The following NACC2 variants were observed in gnomAD, a reference collection of about 807,000 sequenced individuals.
NACC2 encodes NACC family member 2.
A neutral mutation model predicts 25.1 loss-of-function variants in NACC2; 8 were observed. That is an observed-to-expected ratio of 0.32 (90% CI 0.19 to 0.57). The LOEUF (loss-of-function observed/expected upper bound fraction) is 0.57. Ranked by LOEUF, NACC2 falls within the 20% of genes least tolerant of loss-of-function variation. NACC2 has a pLI of 0.89. For synonymous variants in NACC2, 435 were observed against 294.7 expected, an observed-to-expected ratio of 1.48 and a Z score of -4.88; for missense variants, 644 against 650.2, an observed-to-expected ratio of 0.99 and a Z score of 0.10.
chr9:136,093,887 C>A (rs1830458363), intron 1 of NACC2, among the ~76,000 whole-genome samples: 1 of 152,170 alleles, frequency 6.6e-6, no homozygotes, highest in Non-Finnish European at 1.5e-5. Context: ...GTGCTACAGG[C>A]TAAAACACCC....
chr9:136,049,931 G>T lies in NACC2; in HGVS notation c.591C>A (p.Pro197=), dbSNP rs1432823353. 5 of 578,064 alleles carry T rather than the reference G, an allele frequency of 8.6e-6. No homozygotes were observed. In the African/African-American group the frequency reaches 9.9e-5, roughly 11 times the overall value. 35.8% of individuals were successfully genotyped at this position (578,064 alleles called of 1,614,324 possible). ...LAPKRPLETG[P]RDGVAVAAGA... ...CCGCGGCCACCGCCACGCCGTCCCG[G>T]GGCCCCGTCTCCAGCGGGCGCTTGG... The change falls in exon 2 of 6, where the codon CCC becomes CCA. Residue 197 remains proline, a synonymous_variant. Transcript: ENST00000277554.
intron 1 of NACC2, among the ~76,000 whole-genome samples, chr9:136,090,554 C>T (rs972174427): frequency 6.6e-6 from 1 of 152,204 alleles, no homozygotes; most frequent in African/African-American, 2.4e-5. Flanking sequence ...CTTCCCTCAG[C>T]AGGCACCCAG....
chr9:136,026,059 G>GC (rs1269166350), intron 2 of NACC2, among the ~76,000 whole-genome samples: 1 of 151,984 alleles, frequency 6.6e-6, no homozygotes, highest in African/African-American at 2.4e-5. Flanking sequence ...GAAAGAATAG[G>GC]CCAGGCGTGG....
intron 2 of NACC2, among the ~76,000 whole-genome samples, chr9:136,047,273 TC>T (rs1176273728): frequency 2.6e-5 from 4 of 151,794 alleles, no homozygotes; most frequent in Non-Finnish European, 4.4e-5. Context: ...CGACGGCCCC[TC>T]CCTCTACCTG....
intron 2 of NACC2, among the ~76,000 whole-genome samples, chr9:136,027,521 C>G (rs966445378): frequency 6.6e-6 from 1 of 152,100 alleles, no homozygotes; most frequent in Non-Finnish European, 1.5e-5. Context: ...TGAGTGCATT[C>G]TATGTCCACT....
intron 1 of NACC2, among the ~76,000 whole-genome samples, 162 bp downstream of exon 1, chr9:136,095,027 C>T (rs1830475176): frequency 1.4e-5 from 2 of 145,640 alleles, no homozygotes; most frequent in African/African-American, 2.5e-5. Context: ...CGGGCCGGCG[C>T]GGAACTCGGC....
rs1433780529 is a variant in NACC2, at chr9:136,049,939, T to C, written c.583A>G (p.Thr195Ala). 1.1e-4 allele frequency: 63 copies of C among 580,156 alleles called. No individual in the cohort carries two copies. Among genetic ancestry groups the C allele is most frequent in the South Asian group, 9.2e-4 (45 of 49,008 alleles). The allele number at this position is 580,156 out of a possible 1,614,324, so 35.9% of individuals were successfully genotyped here. A position where few individuals can be genotyped will look rare whatever the true frequency, so the allele number is the denominator to read the frequency against. Reference sequence around the variant, plus strand: ...ACCGCCACGCCGTCCCGGGGCCCCGTCTCCAGCGGGCGCTTGGGGGCCAGG... The same window carrying C: ...ACCGCCACGCCGTCCCGGGGCCCCGCCTCCAGCGGGCGCTTGGGGGCCAGG... ...PGLAPKRPLE[T>A]GPRDGVAVAA... Residue 195 changes from threonine (T) to alanine (A), a missense_variant, in exon 2 of 6, where the codon ACG becomes GCG. By Grantham distance (58) the Thr-to-Ala change is moderately conservative. Transcript: ENST00000277554.
intron 2 of NACC2, among the ~76,000 whole-genome samples, chr9:136,026,822 G>A (rs1840399055): frequency 6.6e-5 from 10 of 152,226 alleles, no homozygotes; most frequent in Admixed American, 6.5e-4. Flanking sequence ...GACAAGAAAG[G>A]AGAAGCAACA....
Position 136,007,369 on chromosome 9 carries a change from GCACA to G in NACC2, c.*4143_*4146del, listed in dbSNP as rs985190334. The G allele has an allele frequency of 2.6e-5, 4 of 151,440 alleles. No homozygotes were observed. Among genetic ancestry groups the G allele is most frequent in the Admixed American group, 2.0e-4 (3 of 15,068 alleles). 9.4% of individuals were successfully genotyped at this position (151,440 alleles called of 1,614,324 possible). On this transcript the variant is annotated 3_prime_UTR_variant, in exon 6 of 6. Transcript: ENST00000277554. ...CGTGCACACACACAGACACACGCGT[GCACA>G]CATACACAGACACGCGTGCAGAGAC...
At chr9:136,017,435 G>A (rs552536372) in intron 2 of NACC2, among the ~76,000 whole-genome samples, 1 of 152,108 alleles carries the variant, frequency 6.6e-6, no homozygotes, top group Admixed American at 6.5e-5. Flanking sequence ...CATGCACCAG[G>A]TGCGCGGGGC....
At chr9:136,035,838 CA>C (rs1840543340) in intron 2 of NACC2, among the ~76,000 whole-genome samples, 1 of 152,072 alleles carries the variant, frequency 6.6e-6, no homozygotes, top group Non-Finnish European at 1.5e-5. Context: ...AAATTCCTAC[CA>C]ATTGTGAAGG....
chr9:136,016,147 T>C, intron 3 of NACC2, 118 bp downstream of exon 3: 1 of 1,163,334 alleles, frequency 8.6e-7, no homozygotes, highest in South Asian at 1.6e-5. Context: ...TAGAGGAAAT[T>C]TAAGATTTTT....
intron 2 of NACC2, among the ~76,000 whole-genome samples, chr9:136,041,800 A>G (rs1173596774): frequency 6.6e-6 from 1 of 152,198 alleles, no homozygotes; most frequent in African/African-American, 2.4e-5. Flanking sequence ...TGACATCCAT[A>G]TATTAAAAGC....
chr9:136,007,982 C>A lies in NACC2; in HGVS notation c.*3534G>T, dbSNP rs1233086804. The A allele has an allele frequency of 1.3e-5, 2 of 152,272 alleles. No individual in the cohort carries two copies. Among genetic ancestry groups the A allele is most frequent in the African/African-American group, 4.8e-5 (2 of 41,450 alleles). The allele number at this position is 152,272 out of a possible 1,614,324, so 9.4% of individuals were successfully genotyped here. A position where few individuals can be genotyped will look rare whatever the true frequency, so the allele number is the denominator to read the frequency against. Reference sequence around the variant, plus strand: ...TCTAAACACAAATGCCAAAGAATGACTCTTCCTGGAGGAGAAAGGAGGCCA... The same window carrying A: ...TCTAAACACAAATGCCAAAGAATGAATCTTCCTGGAGGAGAAAGGAGGCCA... On this transcript the variant is annotated 3_prime_UTR_variant, in exon 6 of 6. Transcript: ENST00000277554.
intron 2 of NACC2, among the ~76,000 whole-genome samples, chr9:136,046,828 C>A (rs1840732700): frequency 2.0e-5 from 3 of 152,214 alleles, no homozygotes; most frequent in Admixed American, 2.0e-4. Flanking sequence ...TGAGGCCACA[C>A]AGACCATGGG....
At chr9:136,050,769 G>A (rs924251031) in intron 1 of NACC2, among the ~76,000 whole-genome samples, 189 bp from the exon 2 acceptor site, 1 of 152,130 alleles carries the variant, frequency 6.6e-6, no homozygotes, top group Non-Finnish European at 1.5e-5. Context: ...CCCCCTGGCA[G>A]ACGGGCAAGA....
Position 136,007,399 on chromosome 9 carries a change from A to T in NACC2, c.*4117T>A, listed in dbSNP as rs1363052619. The T allele has an allele frequency of 4.6e-5, 5 of 109,470 alleles. No individual in the cohort carries two copies. Among genetic ancestry groups the T allele is most frequent in the Non-Finnish European group, 1.0e-4 (5 of 47,994 alleles). 6.8% of individuals were successfully genotyped at this position (109,470 alleles called of 1,614,324 possible). A position where few individuals can be genotyped will look rare whatever the true frequency, so the allele number is the denominator to read the frequency against. On this transcript the variant is annotated 3_prime_UTR_variant, in exon 6 of 6. Coordinates refer to ENST00000277554, the MANE Select transcript of NACC2 (RefSeq NM_144653.5). ...CATACACAGACACGCGTGCAGAGAC[A>T]CGCACGTGCACACAGACGCGCGTGC...
intron 1 of NACC2, among the ~76,000 whole-genome samples, chr9:136,051,919 A>AGGAGGAGATGGT (rs1840850046): frequency 6.7e-5 from 1 of 14,984 alleles, no homozygotes. Flanking sequence ...GAGATGGTGG[A>AGGAGGAGATGGT]GGAGGAGGAG....
rs770171184 is a variant in NACC2, at chr9:136,011,544, G to A, written c.1736C>T (p.Pro579Leu). The change falls in exon 6 of 6, where the codon CCG becomes CTG. Residue 579 changes from proline to leucine, a missense_variant. Transcript: ENST00000277554. ...PQTPAAAARR[P>L]EGTYAGTL ...CAAGGTCCCTGCATAGGTGCCCTCCGGCCTCCGGGCCGCGGCCGCCGGCGT... is the reference window on the plus strand; with the variant it reads ...CAAGGTCCCTGCATAGGTGCCCTCCAGCCTCCGGGCCGCGGCCGCCGGCGT... The A allele has an allele frequency of 1.3e-5, 18 of 1,407,590 alleles. No individual in the cohort carries two copies. Among genetic ancestry groups the A allele is most frequent in the East Asian group, 2.8e-5 (1 of 36,142 alleles). The allele number at this position is 1,407,590 out of a possible 1,614,324, so 87.2% of individuals were successfully genotyped here.
Sources: allele counts gnomAD v4.1 joint callset (sites outside exome capture counted in the v4.1 genomes callset), GRCh38; gene constraint gnomAD v4.1.1; transcripts MANE v1.5; gene names NCBI Gene and HGNC (gene_info 2026-07-23, HGNC 2026-07-21).